SAMD8: variants seen among roughly 807,000 people sequenced by gnomAD.
SAMD8 encodes sterile alpha motif domain containing 8.
SAMD8 carries 20 observed loss-of-function variants against 42.0 expected under a neutral mutation model. That is an observed-to-expected ratio of 0.48 (90% CI 0.34 to 0.69). The LOEUF (loss-of-function observed/expected upper bound fraction) is 0.69. Ranked by LOEUF, SAMD8 falls within the 30% of genes least tolerant of loss-of-function variation. The pLI, the probability that SAMD8 is intolerant of heterozygous loss-of-function variation, is 0.01. For missense variants in SAMD8, 328 were observed against 511.6 expected (o/e 0.64, Z 3.46); for synonymous variants, 162 against 173.0 (o/e 0.94, Z 0.50).
chr10:75,148,301 G>A (rs1302131082), intron 1 of SAMD8, among the ~76,000 whole-genome samples: 1 of 149,844 alleles, frequency 6.7e-6, no homozygotes, highest in Non-Finnish European at 1.5e-5. Context: ...AAGTCTTCGT[G>A]GCAGGAGTTT....
rs1397367817 is a variant in SAMD8, at chr10:75,181,249, C to G, written c.*4557C>G. The G allele has an allele frequency of 6.6e-6, 1 of 152,150 alleles. No homozygotes were observed. Among genetic ancestry groups the G allele is most frequent in the Non-Finnish European group, 1.5e-5 (1 of 68,042 alleles). The allele number at this position is 152,150 out of a possible 1,614,324, so 9.4% of individuals were successfully genotyped here. On this transcript the variant is annotated 3_prime_UTR_variant, in exon 6 of 6. Transcript: ENST00000542569. Reference sequence around the variant, plus strand: ...CAGTTAGTGTTTGTAAGCAGTTTAGCCTGAATTATCCCATACTGCTGTAGA... The same window carrying G: ...CAGTTAGTGTTTGTAAGCAGTTTAGGCTGAATTATCCCATACTGCTGTAGA...
intron 4 of SAMD8, among the ~76,000 whole-genome samples, chr10:75,171,368 T>C (rs371046850): frequency 4.6e-5 from 7 of 150,846 alleles, no homozygotes; most frequent in Non-Finnish European, 7.4e-5. Flanking sequence ...GGGGTTTCAC[T>C]GTGTTAGCCA....
At chr10:75,131,192 TTCC>T in intron 1 of SAMD8, among the ~76,000 whole-genome samples, 1 of 152,244 alleles carries the variant, frequency 6.6e-6, no homozygotes, top group Non-Finnish European at 1.5e-5. Flanking sequence ...CTTTCTTTCC[TTCC>T]TCATTTTATA....
chr10:75,119,903 T>C (rs1848966071), intron 1 of SAMD8, among the ~76,000 whole-genome samples: 1 of 152,056 alleles, frequency 6.6e-6, no homozygotes, highest in African/African-American at 2.4e-5. Flanking sequence ...TCGTCTCTAC[T>C]AAAAATACAA....
intron 4 of SAMD8, among the ~76,000 whole-genome samples, chr10:75,172,309 G>A (rs1840886779): frequency 6.6e-6 from 1 of 152,064 alleles, no homozygotes; most frequent in Admixed American, 6.6e-5. Flanking sequence ...TATTCTAGTT[G>A]ATTAGGGGAG....
At chr10:75,169,721 C>A (rs149178407) in intron 4 of SAMD8, among the ~76,000 whole-genome samples, 1 of 152,138 alleles carries the variant, frequency 6.6e-6, no homozygotes, top group Non-Finnish European at 1.5e-5. Context: ...AAAGACCCAG[C>A]GTGGCCAACA....
intron 4 of SAMD8, among the ~76,000 whole-genome samples, chr10:75,170,088 A>T (rs1340240023): frequency 2.6e-5 from 4 of 152,212 alleles, no homozygotes; most frequent in African/African-American, 9.7e-5. Context: ...AGAAGAAATT[A>T]TGCAGATGGG....
At chr10:75,120,774 CT>C (rs111866437) in intron 1 of SAMD8, among the ~76,000 whole-genome samples, 2,881 of 80,102 alleles carry the variant, frequency 0.036, 10 homozygotes, top group Middle Eastern at 0.083. Context: ...TAATTTCCAT[CT>C]TTTTTTTTTT....
chr10:75,165,438 A>C (rs1258630972), intron 3 of SAMD8, among the ~76,000 whole-genome samples: 1 of 152,018 alleles, frequency 6.6e-6, no homozygotes, highest in Non-Finnish European at 1.5e-5. Flanking sequence ...TGGGAGGGCA[A>C]GGCAGGCGGA....
intron 1 of SAMD8, among the ~76,000 whole-genome samples, chr10:75,129,474 G>A (rs947141866): frequency 2.6e-5 from 4 of 152,062 alleles, no homozygotes; most frequent in Non-Finnish European, 5.9e-5. Flanking sequence ...TCCTGACCTC[G>A]TGATCCACCT....
chr10:75,168,652 T>C lies in SAMD8; in HGVS notation c.786T>C (p.Thr262=). Residue 262 remains threonine (T), a synonymous_variant, in exon 4 of 6, where the codon ACT becomes ACC. Coordinates refer to ENST00000542569, the MANE Select transcript of SAMD8 (RefSeq NM_001174156.2). ...TGCCAGGACAACACCTGCAGTGTAC[T>C]GGAAAGGTAGCCTGCTACCTTCTTT... ...LSVPGQHLQC[T]GKIYGSVWEK... 1 of 1,598,560 alleles carries C rather than the reference T, an allele frequency of 6.3e-7. No individual in the cohort carries two copies. Among genetic ancestry groups the C allele is most frequent in the Non-Finnish European group, 8.6e-7 (1 of 1,165,892 alleles).
At chr10:75,159,353 C>G (rs1218686294) in intron 2 of SAMD8, among the ~76,000 whole-genome samples, 1 of 152,092 alleles carries the variant, frequency 6.6e-6, no homozygotes, top group Non-Finnish European at 1.5e-5. Context: ...GCCACCACAC[C>G]CAGCGGGACA....
At position 75,168,673 on chromosome 10, in the gene SAMD8, TCTTTA is replaced by T; in HGVS notation, c.792+16_792+20del. The T allele has an allele frequency of 2.6e-6, 4 of 1,511,154 alleles. No individual in the cohort carries two copies. Among genetic ancestry groups the T allele is most frequent in the Non-Finnish European group, 3.7e-6 (4 of 1,086,344 alleles). The allele number at this position is 1,511,154 out of a possible 1,614,324, so 93.6% of individuals were successfully genotyped here. ...GTACTGGAAAGGTAGCCTGCTACCT[TCTTTA>T]TCATTCTTGTTTTTGGTGGGTTGAT... On this transcript the variant is annotated intron_variant, in intron 4 of 5. Coordinates refer to ENST00000542569, the MANE Select transcript of SAMD8 (RefSeq NM_001174156.2).
chr10:75,152,318 C>T (rs1300482125), intron 2 of SAMD8, among the ~76,000 whole-genome samples: 6 of 146,772 alleles, frequency 4.1e-5, no homozygotes, highest in Middle Eastern at 3.9e-3. Context: ...GTCAGGAGAT[C>T]GAGACCATCC....
intron 3 of SAMD8, among the ~76,000 whole-genome samples, chr10:75,165,694 A>G (rs1168985371): frequency 1.7e-4 from 25 of 149,784 alleles, no homozygotes; most frequent in African/African-American, 6.2e-4. Flanking sequence ...AAAGATTATT[A>G]GCCAGGCACA....
rs1032417613 is a variant in SAMD8 at position 75,177,004 on chromosome 10, A to G, written c.*312A>G. 4.7e-6 allele frequency: 1 copy of G among 211,748 alleles called. No individual in the cohort carries two copies. The highest frequency in any genetic ancestry group is 9.3e-6 in the Non-Finnish European group (1 of 106,960). The allele number at this position is 211,748 out of a possible 1,614,324, so 13.1% of individuals were successfully genotyped here. On this transcript the variant is annotated 3_prime_UTR_variant, in exon 6 of 6. Transcript: ENST00000542569. ...TGCTTATTGAACTTTAAACAAGTCA[A>G]CTTGAGCAGTTTGCTGGTTGAGGAA...
intron 3 of SAMD8, among the ~76,000 whole-genome samples, chr10:75,165,418 C>A (rs1386073527): frequency 6.6e-6 from 1 of 152,060 alleles, no homozygotes; most frequent in African/African-American, 2.4e-5. Flanking sequence ...TGCCTGTAAT[C>A]CCAGCACTTT....
At chr10:75,127,996 C>T (rs1196158281) in intron 1 of SAMD8, among the ~76,000 whole-genome samples, 1 of 151,856 alleles carries the variant, frequency 6.6e-6, no homozygotes, top group Non-Finnish European at 1.5e-5. Flanking sequence ...TTAACGTTCC[C>T]TGTATTATTT....
At chr10:75,155,906 G>A (rs957958153) in intron 2 of SAMD8, among the ~76,000 whole-genome samples, 2 of 152,124 alleles carry the variant, frequency 1.3e-5, no homozygotes, top group African/African-American at 2.4e-5. Flanking sequence ...CACACAGATC[G>A]TGGTTTTAAA....
Sources: allele counts gnomAD v4.1 joint callset (sites outside exome capture counted in the v4.1 genomes callset), GRCh38; gene constraint gnomAD v4.1.1; transcripts MANE v1.5; gene names NCBI Gene and HGNC (gene_info 2026-07-23, HGNC 2026-07-21).